FLYWCH1: variants seen among roughly 807,000 people sequenced by gnomAD.
The protein encoded by FLYWCH1 is FLYWCH-type zinc finger-containing protein 1.
A neutral mutation model predicts 66.4 loss-of-function variants in FLYWCH1; 75 were observed. The ratio of observed to expected loss-of-function variants is 1.13; its 90% CI spans 0.94 to 1.37. The LOEUF (loss-of-function observed/expected upper bound fraction) is 1.37. FLYWCH1 is among the 40% of genes most tolerant of loss of function. The pLI, the probability that FLYWCH1 is intolerant of heterozygous loss-of-function variation, is 0.00. For missense variants in FLYWCH1, 1,334 were observed against 1,001.8 expected (o/e 1.33, Z -4.48); for synonymous variants, 595 against 429.9 (o/e 1.38, Z -4.75).
intron 3 of FLYWCH1, 30 bp downstream of exon 3, chr16:2,930,040 C>G (rs779614685): frequency 6.3e-7 from 1 of 1,577,002 alleles, no homozygotes; most frequent in Non-Finnish European, 8.7e-7. Context: ...CCCTGCCCAG[C>G]CACCCCGTGG....
At position 2,948,831 on chromosome 16, in the gene FLYWCH1, C is replaced by A; in HGVS notation, c.*104C>A. The A allele has an allele frequency of 3.9e-6, 4 of 1,034,928 alleles. No homozygotes were observed. The highest frequency in any genetic ancestry group is 6.0e-6 in the Non-Finnish European group (4 of 667,158). The allele number at this position is 1,034,928 out of a possible 1,614,324, so 64.1% of individuals were successfully genotyped here. On this transcript the variant is annotated 3_prime_UTR_variant, in exon 10 of 10. Coordinates refer to ENST00000253928, the MANE Select transcript of FLYWCH1 (RefSeq NM_001308068.2). Reference sequence around the variant, plus strand: ...GTTTGGCTTAGCAGAAACTTCTTTTCATTCTTCCAAAGCATCGATGGTCTT... The same window carrying A: ...GTTTGGCTTAGCAGAAACTTCTTTTAATTCTTCCAAAGCATCGATGGTCTT...
At chr16:2,922,380 G>A (rs961568221) in intron 2 of FLYWCH1, 1 of 184,150 alleles carries the variant, frequency 5.4e-6, no homozygotes, top group Non-Finnish European at 1.1e-5. Flanking sequence ...CCAGGTCAGC[G>A]GTTCACATTC....
rs528446724 is a variant in FLYWCH1 at position 2,930,816 on chromosome 16, G to A, written c.732G>A (p.Glu244=). 6 of 1,603,080 alleles carry A rather than the reference G, an allele frequency of 3.7e-6. No homozygotes were observed. Among genetic ancestry groups the A allele is most frequent in the Middle Eastern group, 2.2e-4 (1 of 4,642 alleles). The change falls in exon 4 of 10, where the codon GAG becomes GAA. Residue 244 remains glutamate, a synonymous_variant. Transcript: ENST00000253928. Reference sequence around the variant, plus strand: ...TGAGCAAGCCGGCCCTGGAGGAGGAGGAGGCACCCCGAGCCCTGTCACTGC... The same window carrying A: ...TGAGCAAGCCGGCCCTGGAGGAGGAAGAGGCACCCCGAGCCCTGTCACTGC... ...LVLSKPALEE[E]EAPRALSLLS... is the part of the protein sequence containing the mutation.
intron 2 of FLYWCH1, among the ~76,000 whole-genome samples, chr16:2,918,460 G>C (rs2070252154): frequency 1.5e-5 from 2 of 129,468 alleles, no homozygotes; most frequent in Non-Finnish European, 3.2e-5. Context: ...TTTTTTTTGA[G>C]AGGGAGTTTT....
intron 2 of FLYWCH1, among the ~76,000 whole-genome samples, chr16:2,919,567 T>G (rs1432701338): frequency 6.6e-6 from 1 of 152,066 alleles, no homozygotes; most frequent in Non-Finnish European, 1.5e-5. Flanking sequence ...TCTGGCCTAT[T>G]TTTTGTTTCT....
rs1227823352 is a variant in FLYWCH1, at chr16:2,950,500, A to G, written c.*1773A>G. 1 of 152,470 alleles carries G rather than the reference A, an allele frequency of 6.6e-6. No homozygotes were observed. The highest frequency in any genetic ancestry group is 1.5e-5 in the Non-Finnish European group (1 of 68,260). 9.4% of individuals were successfully genotyped at this position (152,470 alleles called of 1,614,324 possible). A position where few individuals can be genotyped will look rare whatever the true frequency, so the allele number is the denominator to read the frequency against. On this transcript the variant is annotated 3_prime_UTR_variant, in exon 10 of 10. Coordinates refer to ENST00000253928, the MANE Select transcript of FLYWCH1 (RefSeq NM_001308068.2). Reference sequence around the variant, plus strand: ...TCTCCACATGCCCAAGATACGAGAGAAACGCCCGGGTCACAGCAGCCTGAG... The same window carrying G: ...TCTCCACATGCCCAAGATACGAGAGGAACGCCCGGGTCACAGCAGCCTGAG...
rs186508357 is a variant in FLYWCH1, at chr16:2,946,228, T to C, written c.2112-2460T>C. On this transcript the variant is annotated intron_variant, in intron 9 of 9. Coordinates refer to ENST00000253928, the MANE Select transcript of FLYWCH1 (RefSeq NM_001308068.2). ...GTGTGCAGGACATACACTAATGCTT[T>C]AGGCCTCCACGTTCACTCACCCACC... Among the ~76,000 whole-genome samples, 414 of 152,024 alleles carry C rather than the reference T, an allele frequency of 2.7e-3. 8 individuals carry two copies. The highest frequency in any genetic ancestry group is 5.3e-4 in the Non-Finnish European group (36 of 68,014).
chr16:2,918,392 C>T (rs2070248656), intron 2 of FLYWCH1, among the ~76,000 whole-genome samples: 1 of 151,912 alleles, frequency 6.6e-6, no homozygotes, highest in Admixed American at 6.6e-5. Flanking sequence ...CGTGATCCGC[C>T]TGCCTTGGCC....
chr16:2,941,882 G>A (rs80269404), intron 9 of FLYWCH1, among the ~76,000 whole-genome samples: 5,320 of 150,930 alleles, frequency 0.035, 326 homozygotes, highest in African/African-American at 0.12. Flanking sequence ...TTAGCCAGGC[G>A]TGGTGGTGGG....
chr16:2,950,454 G>GC lies in FLYWCH1; in HGVS notation c.*1732dup. On this transcript the variant is annotated 3_prime_UTR_variant, in exon 10 of 10. Coordinates refer to ENST00000253928, the MANE Select transcript of FLYWCH1 (RefSeq NM_001308068.2). ...CGCCACCAGCTGGACCTCTGATCAG[G>GC]CCCCCTGCAGAAGGGGAAGCTCTCC... 1 of 152,494 alleles carries GC rather than the reference G, an allele frequency of 6.6e-6. No homozygotes were observed. Among genetic ancestry groups the GC allele is most frequent in the Non-Finnish European group, 1.5e-5 (1 of 68,154 alleles). The allele number at this position is 152,494 out of a possible 1,614,324, so 9.4% of individuals were successfully genotyped here. A position where few individuals can be genotyped will look rare whatever the true frequency, so the allele number is the denominator to read the frequency against.
chr16:2,944,283 G>C (rs988494123), intron 9 of FLYWCH1, among the ~76,000 whole-genome samples: 5 of 151,742 alleles, frequency 3.3e-5, no homozygotes, highest in Admixed American at 6.6e-5. Flanking sequence ...CCAGCTACTT[G>C]GGAGGCTGAG....
chr16:2,917,172 A>T (rs556411137), intron 2 of FLYWCH1, among the ~76,000 whole-genome samples: 38 of 151,572 alleles, frequency 2.5e-4, no homozygotes, highest in African/African-American at 7.7e-4. Flanking sequence ...AAAAAAAAGT[A>T]AAAAAAATTT....
At chr16:2,925,317 G>A (rs913545579) in intron 2 of FLYWCH1, among the ~76,000 whole-genome samples, 3 of 152,126 alleles carry the variant, frequency 2.0e-5, no homozygotes, top group East Asian at 3.9e-4. Flanking sequence ...CAGGGTCAAG[G>A]AACTGCCACG....
At chr16:2,941,269 A>G (rs996087685) in intron 9 of FLYWCH1, among the ~76,000 whole-genome samples, 26 of 152,158 alleles carry the variant, frequency 1.7e-4, no homozygotes, top group African/African-American at 6.0e-4. Context: ...TTGGGGCAAC[A>G]GAGCATGACC....
Position 2,930,984 on chromosome 16 carries a change from T to C in FLYWCH1, c.796+104T>C. ...TGGGGTCCCACAGGGTCTTTTAAAA[T>C]GTACTCAAAGCTAAAATGACTTTTA... is the stretch of plus-strand genomic sequence containing the variant. On this transcript the variant is annotated intron_variant, in intron 4 of 9. Coordinates refer to ENST00000253928, the MANE Select transcript of FLYWCH1 (RefSeq NM_001308068.2). 4 of 880,542 alleles carry C rather than the reference T, an allele frequency of 4.5e-6. No homozygotes were observed. The South Asian group carries it at 6.9e-5, about 15-fold the overall frequency. 54.5% of individuals were successfully genotyped at this position (880,542 alleles called of 1,614,324 possible).
At position 2,929,804 on chromosome 16, in the gene FLYWCH1, C is replaced by G; in HGVS notation, c.119C>G (p.Ser40Cys). 6.2e-7 allele frequency: 1 copy of G among 1,613,956 alleles called. No individual in the cohort carries two copies. Among genetic ancestry groups the G allele is most frequent in the South Asian group, 1.1e-5 (1 of 91,084 alleles). The part of the protein sequence containing the change: ...PAAPRKPREF[S>C]KLVLLTASDQ... ...GCCCCCAGGAAGCCCAGGGAGTTCT[C>G]CAAACTGGTGCTGCTCACAGCCTCC... Residue 40 changes from serine to cysteine, a missense_variant, in exon 3 of 10, where the codon TCC becomes TGC. Physicochemically the swap from Ser to Cys is moderately radical, Grantham distance 112 (BLOSUM62 -1). Transcript: ENST00000253928.
At chr16:2,912,331 C>T (rs1478415836) in intron 1 of FLYWCH1, among the ~76,000 whole-genome samples, 177 bp downstream of exon 1, 1 of 151,584 alleles carries the variant, frequency 6.6e-6, no homozygotes, top group Non-Finnish European at 1.5e-5. Flanking sequence ...CTCGCCCCTC[C>T]ATCCCCACCC....
chr16:2,916,728 G>C (rs554547728), intron 2 of FLYWCH1, among the ~76,000 whole-genome samples: 12 of 152,258 alleles, frequency 7.9e-5, no homozygotes, highest in African/African-American at 2.6e-4. Flanking sequence ...GGCAAGTCCA[G>C]GATGCTTTCT....
chr16:2,933,333 G>A lies in FLYWCH1; in HGVS notation c.1000G>A (p.Asp334Asn), dbSNP rs202057371. The A allele has an allele frequency of 3.9e-4, 634 of 1,608,884 alleles. 3 individuals are homozygous for A. Among genetic ancestry groups the A allele is most frequent in the Non-Finnish European group, 1.0e-4 (120 of 1,178,076 alleles). The change falls in exon 5 of 10, where the codon GAT (aspartate) becomes AAT (asparagine). Residue 334 changes from aspartate to asparagine, a missense_variant. By Grantham distance (23) the Asp-to-Asn change is conservative. Transcript: ENST00000253928. ...GATGCGTGGGCACTGCCACCAGCCC[G>A]ATATGGAGGGCCTGGAAGCCCGGCG... ...TVMRGHCHQPDMEGLEARRQQ... is the reference protein window; with the variant it reads ...TVMRGHCHQPNMEGLEARRQQ...
Sources: allele counts gnomAD v4.1 joint callset (sites outside exome capture counted in the v4.1 genomes callset), GRCh38; gene constraint gnomAD v4.1.1; transcripts MANE v1.5; gene names NCBI Gene and HGNC (gene_info 2026-07-23, HGNC 2026-07-21).